CYLD: variants seen among roughly 807,000 people sequenced by gnomAD.
CYLD encodes the protein ubiquitin carboxyl-terminal hydrolase CYLD.
CYLD carries 26 observed loss-of-function variants against 104.5 expected under a neutral mutation model. The observed-to-expected ratio is 0.25, with a 90% CI of 0.18 to 0.35. The LOEUF is 0.35. Ranked by LOEUF, CYLD falls within the 10% of genes least tolerant of loss-of-function variation. The pLI, the probability that CYLD is intolerant of heterozygous loss-of-function variation, is 1.00. For synonymous variants in CYLD, 385 were observed against 399.9 expected, an observed-to-expected ratio of 0.96 and a Z score of 0.45; for missense variants, 703 against 1,136.1, an observed-to-expected ratio of 0.62 and a Z score of 5.48.
In CYLD at chr16:50,799,795, A is replaced by C; in HGVS notation, c.*3287A>C. 1 of 233,076 alleles carries C rather than the reference A, an allele frequency of 4.3e-6. No individual in the cohort carries two copies. Among genetic ancestry groups the C allele is most frequent in the Non-Finnish European group, 8.5e-6 (1 of 117,902 alleles). The allele number at this position is 233,076 out of a possible 1,614,324, so 14.4% of individuals were successfully genotyped here. On this transcript the variant is annotated 3_prime_UTR_variant, in exon 19 of 19. Coordinates refer to ENST00000427738, the MANE Select transcript of CYLD (RefSeq NM_001378743.1). ...GATCTTGAAAATTATCTGGCCAGAT[A>C]ATTTTGCATCTGCTTGGATGATTGT...
chr16:50,793,720 G>T (rs567458255), intron 17 of CYLD, 56 bp downstream of exon 17: 2 of 1,121,694 alleles, frequency 1.8e-6, no homozygotes, highest in African/African-American at 3.0e-5. Flanking sequence ...CTTATTTATA[G>T]TTGAAAACAC....
chr16:50,789,702 C>T (rs1252492065), intron 14 of CYLD, among the ~76,000 whole-genome samples: 1 of 151,920 alleles, frequency 6.6e-6, no homozygotes, highest in East Asian at 1.9e-4. Flanking sequence ...ACAGAGTCAG[C>T]AGATGCAACA....
intron 18 of CYLD, chr16:50,795,689 G>C: frequency 1.4e-6 from 1 of 695,600 alleles, no homozygotes; most frequent in Non-Finnish European, 2.6e-6. Context: ...TGATGCTTGA[G>C]GGATACATCC....
At chr16:50,768,054 C>G (rs1968712419) in intron 5 of CYLD, among the ~76,000 whole-genome samples, 1 of 152,038 alleles carries the variant, frequency 6.6e-6, no homozygotes, top group African/African-American at 2.4e-5. Flanking sequence ...ACACTTTGAT[C>G]TTCTAAATCA....
At chr16:50,768,853 C>G (rs946841884) in intron 5 of CYLD, among the ~76,000 whole-genome samples, 1 of 152,034 alleles carries the variant, frequency 6.6e-6, no homozygotes, top group African/African-American at 2.4e-5. Flanking sequence ...CCCTTGGGAT[C>G]CCTCCCTCTG....
Position 50,796,764 on chromosome 16 carries a change from A to C in CYLD, c.*256A>C. On this transcript the variant is annotated 3_prime_UTR_variant, in exon 19 of 19. Transcript: ENST00000427738. ...TCTAAATGAAGTTATTAATACCTGA[A>C]GCTTTAAGTTAAGTGCATTGATCAT... 1 of 500,216 alleles carries C rather than the reference A, an allele frequency of 2.0e-6. No homozygotes were observed. The highest frequency in any genetic ancestry group is 3.6e-6 in the Non-Finnish European group (1 of 274,070). 31.0% of individuals were successfully genotyped at this position (500,216 alleles called of 1,614,324 possible). A position where few individuals can be genotyped will look rare whatever the true frequency, so the allele number is the denominator to read the frequency against.
chr16:50,765,976 G>C (rs1183122012), intron 5 of CYLD, among the ~76,000 whole-genome samples: 1 of 152,228 alleles, frequency 6.6e-6, no homozygotes, highest in African/African-American at 2.4e-5. Flanking sequence ...AGCAAGTGCT[G>C]ATATAGAAAC....
At chr16:50,761,244 T>A (rs58889402) in intron 5 of CYLD, among the ~76,000 whole-genome samples, 6,208 of 152,288 alleles carry the variant, frequency 0.041, 381 homozygotes, top group African/African-American at 0.13. Context: ...TGTCTTTTTT[T>A]AAAATTGCTT....
At chr16:50,742,646 C>A (rs1367917298) in intron 1 of CYLD, 116 bp from the exon 2 acceptor site, 3 of 389,590 alleles carry the variant, frequency 7.7e-6, no homozygotes, top group Admixed American at 4.5e-5. Context: ...TGATTCCTAC[C>A]GACCGCGCCG....
chr16:50,751,938 A>G, intron 4 of CYLD, 32 bp downstream of exon 4: 2 of 1,261,360 alleles, frequency 1.6e-6, no homozygotes, highest in Non-Finnish European at 2.2e-6. Flanking sequence ...TATCTTTGTG[A>G]TATATATATT....
At chr16:50,761,746 A>ATATCTATCTATC (rs58093805) in intron 5 of CYLD, among the ~76,000 whole-genome samples, 30,511 of 149,740 alleles carry the variant, frequency 0.2, 3,162 homozygotes, top group Admixed American at 0.24. Flanking sequence ...ACATATCTCT[A>ATATCTATCTATC]TATCTATCTA....
chr16:50,787,032 G>A (rs1487683057), intron 13 of CYLD, 86 bp downstream of exon 13: 1 of 1,130,326 alleles, frequency 8.8e-7, no homozygotes, highest in Non-Finnish European at 1.3e-6. Context: ...TGTCTGTGTA[G>A]TTGGGGGGTT....
At position 50,799,673 on chromosome 16, in the gene CYLD, A is replaced by G; in HGVS notation, c.*3165A>G. The G allele has an allele frequency of 4.3e-6, 1 of 233,582 alleles. No individual in the cohort carries two copies. The highest frequency in any genetic ancestry group is 8.5e-6 in the Non-Finnish European group (1 of 117,978). 14.5% of individuals were successfully genotyped at this position (233,582 alleles called of 1,614,324 possible). The stretch of plus-strand genomic sequence containing the variant: ...GGGAGAGATAGTATGGAAGATTAAG[A>G]TTCCATTAATCTTATAGAACTGTGT... On this transcript the variant is annotated 3_prime_UTR_variant, in exon 19 of 19. Transcript: ENST00000427738.
intron 15 of CYLD, 142 bp from the exon 16 acceptor site, chr16:50,792,455 A>G: frequency 1.6e-6 from 1 of 631,542 alleles, no homozygotes; most frequent in Non-Finnish European, 2.9e-6. Context: ...TCCACAGCCC[A>G]TGGTCACGTG....
chr16:50,773,671 C>G (rs1441344987), intron 5 of CYLD, among the ~76,000 whole-genome samples: 1 of 152,092 alleles, frequency 6.6e-6, no homozygotes, highest in East Asian at 1.9e-4. Flanking sequence ...CTTTCCATCC[C>G]ATATTTATCT....
At position 50,763,205 on chromosome 16, in the gene CYLD, C is replaced by T. The variant is rs372764042; in HGVS notation, c.913+8781C>T. On this transcript the variant is annotated intron_variant, in intron 5 of 18. Transcript: ENST00000427738. ...ATGTTGTAGCATGTGCCAGAATTTC[C>T]GTCCTTCTTAAGGCAGAATAATATT... Among the ~76,000 whole-genome samples the T allele has an allele frequency of 2.6e-5, 4 of 152,258 alleles. No homozygotes were observed. In the East Asian group the frequency reaches 7.7e-4, roughly 29 times the overall value.
intron 4 of CYLD, among the ~76,000 whole-genome samples, chr16:50,753,368 C>G (rs1966781371): frequency 6.6e-6 from 1 of 152,180 alleles, no homozygotes; most frequent in Admixed American, 6.5e-5. Context: ...CCCCTTGCAT[C>G]AGGCTCTTTA....
chr16:50,776,053 C>T, intron 6 of CYLD, 126 bp from the exon 7 acceptor site: 1 of 712,818 alleles, frequency 1.4e-6, no homozygotes, highest in East Asian at 2.6e-5. Flanking sequence ...CTTTAAAAGG[C>T]ATTTGTAAAA....
In CYLD at chr16:50,794,189, A is replaced by G. The variant is rs761901881; in HGVS notation, c.2470-23A>G. 2 of 1,606,614 alleles carry G rather than the reference A, an allele frequency of 1.2e-6. No individual in the cohort carries two copies. The highest frequency in any genetic ancestry group is 8.5e-7 in the Non-Finnish European group (1 of 1,173,620). The stretch of plus-strand genomic sequence containing the variant: ...GATCCACCAGCCTCGGCCTAATGAC[A>G]TTCTTTTCATGGTCCATTTTAGGTC... On this transcript the variant is annotated intron_variant, in intron 17 of 18. Transcript: ENST00000427738. The surrounding 1 kb of genome is among the most constrained non-coding windows in gnomAD (Gnocchi z 4.1).
Sources: gnomAD v4.1 joint callset for allele counts (sites outside exome capture counted in the v4.1 genomes callset) on GRCh38, gnomAD v4.1.1 for gene constraint, Gnocchi (gnomAD v3.1) non-coding constraint, MANE v1.5 for transcripts, NCBI Gene and HGNC (gene_info 2026-07-23, HGNC 2026-07-21) for gene names.